Variants in NXN observed in about 807,000 individuals in gnomAD.
NXN encodes the protein nucleoredoxin.
In NXN, 16 loss-of-function variants were observed where a neutral mutation model predicts 48.6. That is an observed-to-expected ratio of 0.33 (90% confidence interval 0.22 to 0.50). NXN has a LOEUF of 0.50. NXN is among the 20% of genes least tolerant of loss of function. The probability of loss-of-function intolerance (pLI) is 0.98; values close to 1 mark genes in which losing one functional copy is unlikely to be tolerated. For missense variants in NXN, 492 were observed against 605.5 expected, an observed-to-expected ratio of 0.81 and a Z score of 1.97; for synonymous variants, 281 against 269.6, an observed-to-expected ratio of 1.04 and a Z score of -0.41.
chr17:827,352 G>T (rs1317508212), intron 1 of NXN, among the ~76,000 whole-genome samples: 2 of 151,844 alleles, frequency 1.3e-5, no homozygotes, highest in Admixed American at 6.6e-5. Context: ...GCCGGGTGCG[G>T]TGGCTCACAC....
At chr17:818,736 T>C (rs185406403) in intron 5 of NXN, among the ~76,000 whole-genome samples, 119 of 151,744 alleles carry the variant, frequency 7.8e-4, no homozygotes, top group Non-Finnish European at 1.5e-3. Context: ...ATACAAAAAA[T>C]TTAGCCGGGC....
chr17:921,618 C>A (rs1044823175), intron 1 of NXN, among the ~76,000 whole-genome samples: 2 of 151,182 alleles, frequency 1.3e-5, no homozygotes, highest in Non-Finnish European at 3.0e-5. Flanking sequence ...AACACCTGGC[C>A]GGCCCAGGCT....
chr17:875,959 G>A (rs951577846), intron 1 of NXN, among the ~76,000 whole-genome samples: 5 of 152,026 alleles, frequency 3.3e-5, no homozygotes, highest in South Asian at 2.1e-4. Flanking sequence ...CAAGGTGGGC[G>A]GGTCATGAGG....
At chr17:827,385 G>A (rs1358861798) in intron 1 of NXN, among the ~76,000 whole-genome samples, 1 of 152,138 alleles carries the variant, frequency 6.6e-6, no homozygotes, top group Non-Finnish European at 1.5e-5. Flanking sequence ...CACTTTGGGA[G>A]GCTGAGGCGG....
intron 1 of NXN, among the ~76,000 whole-genome samples, chr17:943,176 C>T (rs576197558): frequency 2.0e-4 from 30 of 152,334 alleles, no homozygotes; most frequent in African/African-American, 1.7e-4. Flanking sequence ...TTAGCCCCTG[C>T]GCAGGCATCA....
At chr17:874,788 T>C (rs1452328796) in intron 1 of NXN, among the ~76,000 whole-genome samples, 2 of 152,196 alleles carry the variant, frequency 1.3e-5, no homozygotes, top group African/African-American at 2.4e-5. Context: ...AACAGACTAA[T>C]GCAGCTCCCA....
At position 849,112 on chromosome 17, in the gene NXN, T is replaced by C. The variant is rs1441006116; in HGVS notation, c.361-23034A>G. On this transcript the variant is annotated intron_variant, in intron 1 of 7. Transcript: ENST00000336868. The surrounding 1 kb of genome is among the most constrained non-coding windows in gnomAD (Gnocchi z 4.2). ...TCTAGACCCTCCCCTGGGACGGCAG[T>C]CCCCACCCCACCCACACCCTTTGTT... Among the ~76,000 whole-genome samples, 1 of 152,146 alleles carries C rather than the reference T, an allele frequency of 6.6e-6. No individual in the cohort carries two copies. The highest frequency in any genetic ancestry group is 1.5e-5 in the Non-Finnish European group (1 of 68,004).
chr17:826,996 C>T (rs1394637228), intron 1 of NXN, among the ~76,000 whole-genome samples: 7 of 152,206 alleles, frequency 4.6e-5, no homozygotes. Flanking sequence ...TCGGGGTGAA[C>T]GCCATATGGG....
At chr17:915,621 G>C (rs1450529184) in intron 1 of NXN, among the ~76,000 whole-genome samples, 1 of 152,176 alleles carries the variant, frequency 6.6e-6, no homozygotes, top group East Asian at 1.9e-4. Flanking sequence ...GTAAAAGTGA[G>C]AATGAATGAG....
chr17:823,800 G>A, intron 2 of NXN, 35 bp from the exon 3 acceptor site: 2 of 1,612,608 alleles, frequency 1.2e-6, no homozygotes, highest in Non-Finnish European at 8.5e-7. Context: ...AGAGGGCTTA[G>A]ACCCTTCTTG....
chr17:904,374 G>T (rs1046015419), intron 1 of NXN, among the ~76,000 whole-genome samples: 1 of 152,148 alleles, frequency 6.6e-6, no homozygotes, highest in Non-Finnish European at 1.5e-5. Flanking sequence ...AGGAAAGGAC[G>T]CACACGTCGG....
chr17:969,926 A>C (rs1156778334), intron 1 of NXN, among the ~76,000 whole-genome samples: 1 of 152,180 alleles, frequency 6.6e-6, no homozygotes, highest in East Asian at 1.9e-4. Flanking sequence ...TCACTGTAGA[A>C]ACAGCACTTG....
intron 1 of NXN, among the ~76,000 whole-genome samples, chr17:942,177 G>A (rs1451258433): frequency 2.1e-5 from 3 of 141,118 alleles, no homozygotes; most frequent in South Asian, 2.4e-4. Context: ...ATTCCAGGGC[G>A]CAGCCATGAA....
rs1913386774 is a variant in NXN at position 830,342 on chromosome 17, A to G, written c.361-4264T>C. Among the ~76,000 whole-genome samples, 1 of 152,178 alleles carries G rather than the reference A, an allele frequency of 6.6e-6. No individual in the cohort carries two copies. Among genetic ancestry groups the G allele is most frequent in the Admixed American group, 6.5e-5 (1 of 15,276 alleles). On this transcript the variant is annotated intron_variant, in intron 1 of 7. Transcript: ENST00000336868. The surrounding 1 kb of genome is among the most constrained non-coding windows in gnomAD (Gnocchi z 4.2). ...GACAATAAACAAGAATATAAACAGG[A>G]AACTCATTTCAGACACCGAGAAGTA...
At position 934,415 on chromosome 17, in the gene NXN, T is replaced by C. The variant is rs543149241; in HGVS notation, c.360+44904A>G. On this transcript the variant is annotated intron_variant, in intron 1 of 7. Transcript: ENST00000336868. Reference sequence around the variant, plus strand: ...GAGCCGAGATAGCACCACTGCACTCTAGCCTGGGCAACACAACGAGACTCT... The same window carrying C: ...GAGCCGAGATAGCACCACTGCACTCCAGCCTGGGCAACACAACGAGACTCT... Among the ~76,000 whole-genome samples the C allele has an allele frequency of 6.7e-4, 100 of 148,276 alleles. 1 individual carries two copies. Among genetic ancestry groups the C allele is most frequent in the African/African-American group, 2.2e-3 (89 of 40,230 alleles).
chr17:962,389 C>T (rs1264862193), intron 1 of NXN, among the ~76,000 whole-genome samples: 1 of 151,822 alleles, frequency 6.6e-6, no homozygotes, highest in Non-Finnish European at 1.5e-5. Flanking sequence ...GATTCCCAGC[C>T]GGGCACGGTG....
At chr17:809,730 G>A (rs1189985060) in intron 5 of NXN, among the ~76,000 whole-genome samples, 2 of 147,384 alleles carry the variant, frequency 1.4e-5, no homozygotes, top group Admixed American at 6.9e-5. Context: ...TCCTTACAAA[G>A]ACCATAGCGA....
intron 1 of NXN, among the ~76,000 whole-genome samples, chr17:955,635 G>A (rs532948071): frequency 3.1e-4 from 45 of 147,438 alleles, no homozygotes; most frequent in Admixed American, 2.2e-3. Flanking sequence ...GGTGGCTCAC[G>A]CCTGTAATCC....
intron 1 of NXN, among the ~76,000 whole-genome samples, chr17:846,808 G>A (rs2067867378): frequency 6.6e-6 from 1 of 152,060 alleles, no homozygotes; most frequent in African/African-American, 2.4e-5. Flanking sequence ...TTGGTACTGT[G>A]GCATGCTGGG....
Sources: gnomAD v4.1 joint callset for allele counts (sites outside exome capture counted in the v4.1 genomes callset) on GRCh38, gnomAD v4.1.1 for gene constraint, Gnocchi (gnomAD v3.1) non-coding constraint, MANE v1.5 for transcripts, NCBI Gene and HGNC (gene_info 2026-07-23, HGNC 2026-07-21) for gene names.